Variants in SDHAF3 observed in about 807,000 individuals in gnomAD.
SDHAF3 encodes succinate dehydrogenase assembly factor 3, mitochondrial.
Under a neutral mutation model 11.5 loss-of-function variants are expected in SDHAF3, and 18 were observed. The observed-to-expected ratio is 1.56, with a 90% CI of 1.08 to 2.32. The LOEUF is 2.32. SDHAF3 is among the 30% of genes most tolerant of loss of function. The pLI, the probability that SDHAF3 is intolerant of heterozygous loss-of-function variation, is 0.00. For synonymous variants in SDHAF3, 72 were observed against 59.3 expected (o/e 1.21, Z -0.99); for missense variants, 200 against 154.4 (o/e 1.30, Z -1.57).
chr7:97,136,302 A>T (rs1218850190), intron 1 of SDHAF3: 6 of 496,426 alleles, frequency 1.2e-5, no homozygotes, highest in Admixed American at 3.3e-5. Context: ...TTCTTTTGTG[A>T]ATCCTTTTGA....
At chr7:97,170,203 C>T (rs1789585522) in intron 1 of SDHAF3, among the ~76,000 whole-genome samples, 1 of 151,816 alleles carries the variant, frequency 6.6e-6, no homozygotes, top group Non-Finnish European at 1.5e-5. Context: ...TGTATACACC[C>T]ATGAAACTGT....
chr7:97,145,434 AT>A (rs1242347337), intron 1 of SDHAF3, among the ~76,000 whole-genome samples: 1 of 152,016 alleles, frequency 6.6e-6, no homozygotes, highest in Non-Finnish European at 1.5e-5. Context: ...GGGAGTAAAT[AT>A]TTTTTCTACT....
chr7:97,127,586 C>G (rs1280344346), intron 1 of SDHAF3, among the ~76,000 whole-genome samples: 1 of 152,000 alleles, frequency 6.6e-6, no homozygotes, highest in Non-Finnish European at 1.5e-5. Context: ...TTTAGAGTTT[C>G]CTTAGTATAA....
chr7:97,161,054 C>A (rs1431366418), intron 1 of SDHAF3, among the ~76,000 whole-genome samples: 2 of 152,014 alleles, frequency 1.3e-5, no homozygotes, highest in African/African-American at 4.8e-5. Context: ...GCATTGTGAT[C>A]TTTTTCTAGG....
In SDHAF3 at chr7:97,146,788, CT is replaced by C. The variant is rs752676493; in HGVS notation, c.174+28907del. ...TAAGCCCAAAGATTTTAATAGGTACCTTTTTTTTTTTTTTTTGAGATGGAGT... is the reference window on the plus strand; with the variant it reads ...TAAGCCCAAAGATTTTAATAGGTACCTTTTTTTTTTTTTTTGAGATGGAGT... On this transcript the variant is annotated intron_variant, in intron 1 of 1. Transcript: ENST00000432641. 8.0e-3 allele frequency among the ~76,000 whole-genome samples: 1,120 copies of C among 139,432 alleles called. 2 individuals are homozygous for C. Among genetic ancestry groups the C allele is most frequent in the African/African-American group, 0.013 (513 of 38,122 alleles). 91.5% of individuals were successfully genotyped at this position (139,432 alleles called of 152,430 possible).
At chr7:97,161,322 A>G (rs977971976) in intron 1 of SDHAF3, among the ~76,000 whole-genome samples, 3 of 152,192 alleles carry the variant, frequency 2.0e-5, no homozygotes, top group African/African-American at 7.2e-5. Context: ...CTACCCCATC[A>G]TAAGTCAGCA....
At chr7:97,120,393 T>G (rs753105667) in intron 1 of SDHAF3, among the ~76,000 whole-genome samples, 1 of 151,984 alleles carries the variant, frequency 6.6e-6, no homozygotes, top group Non-Finnish European at 1.5e-5. Flanking sequence ...TTTGAAAGAG[T>G]AGGGCTAGAG....
At chr7:97,165,382 G>GC (rs1789486576) in intron 1 of SDHAF3, among the ~76,000 whole-genome samples, 3 of 41,196 alleles carry the variant, frequency 7.3e-5, no homozygotes, top group Non-Finnish European at 1.0e-4. Flanking sequence ...TTTTTTGCTT[G>GC]TTTTTATTTT....
intron 1 of SDHAF3, among the ~76,000 whole-genome samples, chr7:97,164,266 C>T (rs1469044692): frequency 6.6e-6 from 1 of 151,236 alleles, no homozygotes; most frequent in Non-Finnish European, 1.5e-5. Context: ...CTCACTCTGT[C>T]ACCCAGGCTG....
At chr7:97,132,680 G>C (rs1012202904) in intron 1 of SDHAF3, among the ~76,000 whole-genome samples, 3 of 152,284 alleles carry the variant, frequency 2.0e-5, no homozygotes, top group African/African-American at 7.2e-5. Flanking sequence ...AAGGCTGTCA[G>C]TGAGGTAGGA....
chr7:97,172,324 T>C (rs1435458253), intron 1 of SDHAF3, among the ~76,000 whole-genome samples: 1 of 152,308 alleles, frequency 6.6e-6, no homozygotes, highest in East Asian at 1.9e-4. Context: ...CCAATCGTTA[T>C]ACCTCTTTCT....
At chr7:97,162,212 G>T (rs1213984041) in intron 1 of SDHAF3, among the ~76,000 whole-genome samples, 1 of 151,974 alleles carries the variant, frequency 6.6e-6, no homozygotes, top group Admixed American at 6.6e-5. Flanking sequence ...TCATATGTTG[G>T]CCGCATAAAT....
intron 1 of SDHAF3, among the ~76,000 whole-genome samples, chr7:97,147,190 TTTC>T (rs1789149204): frequency 6.6e-6 from 1 of 152,194 alleles, no homozygotes; most frequent in Admixed American, 6.6e-5. Flanking sequence ...CCTTTTCAAT[TTTC>T]TTCTATTTGG....
At chr7:97,130,182 G>T (rs530592976) in intron 1 of SDHAF3, among the ~76,000 whole-genome samples, 3 of 151,208 alleles carry the variant, frequency 2.0e-5, no homozygotes, top group Admixed American at 6.6e-5. Context: ...TAAGGCAGGA[G>T]AATTGCTTGA....
At chr7:97,163,168 C>CTTTTTTTTTTT (rs58956333) in intron 1 of SDHAF3, among the ~76,000 whole-genome samples, 1 of 125,030 alleles carries the variant, frequency 8.0e-6, no homozygotes, top group African/African-American at 3.0e-5. Flanking sequence ...GTTTAAAGTC[C>CTTTTTTTTTTT]TTTTTTTTTT....
At chr7:97,164,332 G>C (rs1415093736) in intron 1 of SDHAF3, among the ~76,000 whole-genome samples, 1 of 151,134 alleles carries the variant, frequency 6.6e-6, no homozygotes, top group Non-Finnish European at 1.5e-5. Context: ...AGATTGTATG[G>C]TGGCAAGGTA....
intron 1 of SDHAF3, among the ~76,000 whole-genome samples, chr7:97,144,649 C>G (rs998481137): frequency 6.6e-6 from 1 of 152,006 alleles, no homozygotes; most frequent in Non-Finnish European, 1.5e-5. Context: ...TTCTGGGTTC[C>G]CTATTCTGTC....
intron 1 of SDHAF3, among the ~76,000 whole-genome samples, chr7:97,164,656 T>C (rs752449525): frequency 7.9e-5 from 12 of 152,146 alleles, no homozygotes; most frequent in Non-Finnish European, 1.5e-4. Context: ...ATTACAGGTG[T>C]GAGCCAGCGT....
intron 1 of SDHAF3, among the ~76,000 whole-genome samples, chr7:97,173,328 C>T (rs1789633201): frequency 6.6e-6 from 1 of 152,070 alleles, no homozygotes; most frequent in African/African-American, 2.4e-5. Context: ...AGAGAAATCT[C>T]AACCATATAA....
Sources: allele counts gnomAD v4.1 joint callset (sites outside exome capture counted in the v4.1 genomes callset), GRCh38; gene constraint gnomAD v4.1.1; transcripts MANE v1.5; gene names NCBI Gene and HGNC (gene_info 2026-07-23, HGNC 2026-07-21).